AMELY: variants seen among roughly 807,000 people sequenced by gnomAD.
The protein encoded by AMELY is amelogenin, Y isoform.
A neutral mutation model predicts 4.2 loss-of-function variants in AMELY; 4 were observed. The ratio of observed to expected loss-of-function variants is 0.96; its 90% CI spans 0.47 to 2.19. AMELY has a LOEUF of 2.19. Among genes scored for constraint, AMELY ranks in the 30% most tolerant of loss-of-function variants. The pLI is 0.02. For synonymous variants in AMELY, 11 were observed against 14.7 expected, an observed-to-expected ratio of 0.75 and a Z score of 0.57; for missense variants, 32 against 41.5, an observed-to-expected ratio of 0.77 and a Z score of 0.63.
chrY:6,868,587 G>C, intron 5 of AMELY, 125 bp from the exon 6 acceptor site: 1 of 323,192 alleles, frequency 3.1e-6, no homozygotes, highest in South Asian at 3.2e-5. Flanking sequence ...GCAAAAATTT[G>C]TAACTGTGTA....
intron 1 of AMELY, among the ~76,000 whole-genome samples, chrY:6,887,681 G>T (rs2054080862): frequency 6.2e-5 from 2 of 32,219 alleles, no homozygotes; most frequent in Non-Finnish European, 1.5e-4. Flanking sequence ...ATTTGCCCCC[G>T]ACTGGCCCCA....
intron 1 of AMELY, among the ~76,000 whole-genome samples, chrY:6,911,192 T>G: frequency 5.8e-5 from 2 of 34,385 alleles, no homozygotes; most frequent in Non-Finnish European, 1.5e-4. Context: ...AGGTTTCCGC[T>G]CCCCCAAAGT....
intron 1 of AMELY, among the ~76,000 whole-genome samples, chrY:6,887,275 C>T: frequency 3.0e-5 from 1 of 33,154 alleles, no homozygotes; most frequent in Non-Finnish European, 7.4e-5. Context: ...AGGAAAACAT[C>T]ACCATGAGTA....
At chrY:6,885,387 A>G (rs2054079178) in intron 1 of AMELY, among the ~76,000 whole-genome samples, 1 of 34,157 alleles carries the variant, frequency 2.9e-5, no homozygotes, top group East Asian at 7.8e-4. Flanking sequence ...AGGCAGGAGA[A>G]TGGCATGAGC....
intron 1 of AMELY, among the ~76,000 whole-genome samples, chrY:6,904,523 G>A (rs2011657656): frequency 3.0e-5 from 1 of 33,481 alleles, no homozygotes; most frequent in Non-Finnish European, 7.4e-5. Context: ...CCTGTATATC[G>A]TGCAGAATCT....
At chrY:6,866,975 T>G in intron 6 of AMELY, among the ~76,000 whole-genome samples, 1 of 32,694 alleles carries the variant, frequency 3.1e-5, no homozygotes, top group Non-Finnish European at 7.4e-5. Context: ...TTTCAAAAAT[T>G]CTGCCCCATA....
intron 1 of AMELY, among the ~76,000 whole-genome samples, chrY:6,904,998 T>A: frequency 1.2e-4 from 4 of 33,492 alleles, no homozygotes; most frequent in African/African-American, 4.7e-4. Context: ...CCAAACAGCA[T>A]CTCTATCTGC....
chrY:6,886,066 G>A, intron 1 of AMELY, among the ~76,000 whole-genome samples: 1 of 34,010 alleles, frequency 2.9e-5, no homozygotes, highest in Non-Finnish European at 7.3e-5. Flanking sequence ...CATTCAGAGG[G>A]GAAAATTGAT....
intron 1 of AMELY, among the ~76,000 whole-genome samples, chrY:6,884,830 G>A (rs2054077953): frequency 3.0e-5 from 1 of 32,902 alleles, no homozygotes; most frequent in African/African-American, 1.2e-4. Context: ...GTTATAAATC[G>A]TCCATCTGAC....
intron 1 of AMELY, among the ~76,000 whole-genome samples, chrY:6,907,936 A>G: frequency 3.1e-5 from 1 of 32,196 alleles, no homozygotes. Flanking sequence ...TCCACCTCCC[A>G]GGATCAAGCT....
At chrY:6,907,391 A>AAAAAAAG in intron 1 of AMELY, among the ~76,000 whole-genome samples, 1 of 31,884 alleles carries the variant, frequency 3.1e-5, no homozygotes, top group African/African-American at 1.3e-4. Context: ...AAAAAAAAAA[A>AAAAAAAG]GTAATTGCCG....
At chrY:6,893,509 T>C (rs2054084725) in intron 1 of AMELY, among the ~76,000 whole-genome samples, 1 of 33,363 alleles carries the variant, frequency 3.0e-5, no homozygotes, top group South Asian at 6.9e-4. Context: ...TCACAAGACG[T>C]GTATTTGCAA....
intron 1 of AMELY, among the ~76,000 whole-genome samples, chrY:6,885,217 T>G (rs72617687): frequency 2.9e-5 from 1 of 33,927 alleles, no homozygotes; most frequent in African/African-American, 1.1e-4. Context: ...CAGTGACTCA[T>G]GCCTGTAATC....
intron 1 of AMELY, among the ~76,000 whole-genome samples, chrY:6,892,678 A>G (rs2054083936): frequency 3.0e-5 from 1 of 33,864 alleles, no homozygotes. Context: ...CAAAAATGAG[A>G]CTGCCACCAC....
chrY:6,892,264 C>T (rs961695599), intron 1 of AMELY, among the ~76,000 whole-genome samples: 8 of 33,764 alleles, frequency 2.4e-4, no homozygotes, highest in African/African-American at 9.3e-4. Context: ...CCCCTATACA[C>T]AGCAGAAGAA....
At chrY:6,883,815 C>T in intron 1 of AMELY, among the ~76,000 whole-genome samples, 1 of 32,698 alleles carries the variant, frequency 3.1e-5, no homozygotes, top group Non-Finnish European at 7.5e-5. Flanking sequence ...TTTTCTTCTT[C>T]CTCCTCTTTT....
chrY:6,893,470 G>A, intron 1 of AMELY, among the ~76,000 whole-genome samples: 5 of 33,180 alleles, frequency 1.5e-4, no homozygotes, highest in African/African-American at 5.9e-4. Context: ...TGTCCTCTGC[G>A]CCTTCCTGTT....
At chrY:6,875,550 C>A in intron 1 of AMELY, among the ~76,000 whole-genome samples, 1 of 33,021 alleles carries the variant, frequency 3.0e-5, no homozygotes, top group Non-Finnish European at 7.5e-5. Context: ...TTAAAGTGAA[C>A]GTAGAATATA....
At chrY:6,891,571 C>G in intron 1 of AMELY, among the ~76,000 whole-genome samples, 1 of 33,753 alleles carries the variant, frequency 3.0e-5, no homozygotes, top group Non-Finnish European at 7.4e-5. Flanking sequence ...TGTAGCTTCT[C>G]CTGCTACAGC....
Sources: allele counts gnomAD v4.1 joint callset (sites outside exome capture counted in the v4.1 genomes callset), GRCh38; gene constraint gnomAD v4.1.1; transcripts MANE v1.5; gene names NCBI Gene and HGNC (gene_info 2026-07-23, HGNC 2026-07-21).